CCDC93: variants seen among roughly 807,000 people sequenced by gnomAD.
CCDC93 encodes coiled-coil domain-containing protein 93.
CCDC93 carries 61 observed loss-of-function variants against 108.2 expected under a neutral mutation model. The ratio of observed to expected loss-of-function variants is 0.56; its 90% confidence interval spans 0.46 to 0.70. The LOEUF (loss-of-function observed/expected upper bound fraction) is 0.70. CCDC93 is among the 30% of genes least tolerant of loss of function. CCDC93 has a pLI of 0.00. For missense variants in CCDC93, 685 were observed against 764.2 expected, an observed-to-expected ratio of 0.90 and a Z score of 1.22; for synonymous variants, 276 against 260.4, an observed-to-expected ratio of 1.06 and a Z score of -0.58.
chr2:117,921,928 G>C (rs1032271492), intron 23 of CCDC93: 7 of 151,834 alleles, frequency 4.6e-5, no homozygotes, highest in African/African-American at 1.7e-4. Flanking sequence ...TCATGGGCAG[G>C]GCAGTGGGGG....
intron 23 of CCDC93, 172 bp downstream of exon 23, chr2:117,930,865 C>A (rs976984215): frequency 7.7e-6 from 4 of 516,662 alleles, no homozygotes; most frequent in Non-Finnish European, 1.4e-5. Flanking sequence ...CACAGAAAAA[C>A]GCAATCTTCA....
In CCDC93 at chr2:117,920,415, GTA is replaced by G. The variant is rs755270897; in HGVS notation, c.1843-21_1843-20del. Reference sequence around the variant, plus strand: ...GGCCCTCCTGGAGGGAAAGCAGAGAGTATAGAGAGAGTGGTGACTACATTAGC... The same window carrying G: ...GGCCCTCCTGGAGGGAAAGCAGAGAGTAGAGAGAGTGGTGACTACATTAGC... On this transcript the variant is annotated intron_variant, in intron 23 of 23. Coordinates refer to ENST00000376300, the MANE Select transcript of CCDC93 (RefSeq NM_019044.5). 6.2e-7 allele frequency: 1 copy of G among 1,601,816 alleles called. No individual in the cohort carries two copies.
chr2:117,955,878 TAA>T (rs1232741526), intron 12 of CCDC93, among the ~76,000 whole-genome samples: 1 of 152,174 alleles, frequency 6.6e-6, no homozygotes, highest in Non-Finnish European at 1.5e-5. Context: ...TGCAAAGGCC[TAA>T]AAACAGGTTT....
At chr2:117,978,210 G>A (rs1680004482) in intron 7 of CCDC93, among the ~76,000 whole-genome samples, 180 bp from the exon 8 acceptor site, 1 of 152,036 alleles carries the variant, frequency 6.6e-6, no homozygotes, top group African/African-American at 2.4e-5. Context: ...TTTAATAAAG[G>A]GCCAGCCACC....
intron 23 of CCDC93, among the ~76,000 whole-genome samples, chr2:117,923,232 C>A (rs775360678): frequency 6.6e-6 from 1 of 152,062 alleles, no homozygotes; most frequent in South Asian, 2.1e-4. Flanking sequence ...ACTGAGGTAC[C>A]GGGTTCACCT....
chr2:117,934,130 T>C (rs1175541296), intron 22 of CCDC93: 4 of 152,200 alleles, frequency 2.6e-5, no homozygotes, highest in Non-Finnish European at 5.9e-5. Context: ...CAGGAATTCA[T>C]GGAGTTTTTT....
intron 6 of CCDC93, among the ~76,000 whole-genome samples, chr2:117,991,592 T>C (rs1016871284): frequency 6.6e-6 from 1 of 152,170 alleles, no homozygotes; most frequent in African/African-American, 2.4e-5. Context: ...ATGGAAATAA[T>C]AACATATAAC....
Position 117,916,059 on chromosome 2 carries a change from G to A in CCDC93, c.*4284C>T, listed in dbSNP as rs1312051932. The A allele has an allele frequency of 2.0e-5, 3 of 152,142 alleles. No homozygotes were observed. Among genetic ancestry groups the A allele is most frequent in the East Asian group, 3.9e-4 (2 of 5,182 alleles). 9.4% of individuals were successfully genotyped at this position (152,142 alleles called of 1,614,324 possible). A position where few individuals can be genotyped will look rare whatever the true frequency, so the allele number is the denominator to read the frequency against. On this transcript the variant is annotated 3_prime_UTR_variant, in exon 24 of 24. Coordinates refer to ENST00000376300, the MANE Select transcript of CCDC93 (RefSeq NM_019044.5). The stretch of plus-strand genomic sequence containing the variant: ...CCTTGTACACAGGTACAATTCTTAG[G>A]AGTAGCATTGCTAGTTCAAAGAGCT...
intron 17 of CCDC93, chr2:117,944,635 G>A (rs549253571): frequency 9.4e-5 from 42 of 448,012 alleles, no homozygotes; most frequent in African/African-American, 7.5e-4. Context: ...AGACATGGCT[G>A]GATGGTTTGT....
chr2:118,001,001 G>GT, intron 3 of CCDC93, 69 bp from the exon 4 acceptor site: 4 of 935,930 alleles, frequency 4.3e-6, no homozygotes, highest in Non-Finnish European at 7.0e-6. Flanking sequence ...TCTAAAGTCT[G>GT]GGCAGCATCA....
intron 7 of CCDC93, among the ~76,000 whole-genome samples, chr2:117,979,835 A>T (rs1680057789): frequency 1.3e-5 from 2 of 152,238 alleles, no homozygotes; most frequent in South Asian, 4.1e-4. Context: ...AGGCTGGAAA[A>T]GAGACTATTT....
At chr2:117,984,399 C>T in intron 7 of CCDC93, among the ~76,000 whole-genome samples, 1 of 152,168 alleles carries the variant, frequency 6.6e-6, no homozygotes, top group East Asian at 1.9e-4. Flanking sequence ...GAGGCCAAGC[C>T]AGATTCTCAC....
intron 6 of CCDC93, among the ~76,000 whole-genome samples, chr2:117,988,773 G>A (rs1255679022): frequency 6.6e-6 from 1 of 152,210 alleles, no homozygotes; most frequent in Non-Finnish European, 1.5e-5. Context: ...TTGACTGAAA[G>A]AAATGATGAA....
chr2:117,961,747 AAGTC>A (rs796871558), intron 11 of CCDC93, among the ~76,000 whole-genome samples: 2 of 152,334 alleles, frequency 1.3e-5, no homozygotes, highest in African/African-American at 4.8e-5. Flanking sequence ...TGATGAGACA[AAGTC>A]AGACAGAAGG....
intron 18 of CCDC93, 113 bp from the exon 19 acceptor site, chr2:117,941,410 A>G (rs1235473156): frequency 2.7e-6 from 2 of 735,238 alleles, no homozygotes; most frequent in Non-Finnish European, 4.7e-6. Context: ...TGCGCCCTAC[A>G]ATGCAGGCAC....
In CCDC93 at chr2:117,996,306, G is replaced by T; in HGVS notation, c.420C>A (p.Ser140=). 5 of 1,613,680 alleles carry T rather than the reference G, an allele frequency of 3.1e-6. No homozygotes were observed. Among genetic ancestry groups the T allele is most frequent in the Non-Finnish European group, 4.2e-6 (5 of 1,179,594 alleles). The part of the protein sequence containing the change: ...TKEEMGDYIR[S]YSVSQFQKTY... ...TCTTCTGGAACTGGGATACAGAGTA[G>T]GAGCGGATATAGTCACCCATCTCTT... Residue 140 remains serine (S), a synonymous_variant, in exon 5 of 24, where the codon TCC becomes TCA. Transcript: ENST00000376300.
intron 7 of CCDC93, among the ~76,000 whole-genome samples, chr2:117,978,742 A>G (rs1164098004): frequency 1.3e-5 from 2 of 152,198 alleles, no homozygotes; most frequent in African/African-American, 4.8e-5. Context: ...TCACGCCTGC[A>G]AAGTGCTGTA....
At chr2:117,926,316 C>T (rs868359576) in intron 23 of CCDC93, among the ~76,000 whole-genome samples, 3 of 152,048 alleles carry the variant, frequency 2.0e-5, no homozygotes, top group African/African-American at 7.2e-5. Flanking sequence ...TTCAAAAAAT[C>T]AATGAATCCA....
intron 23 of CCDC93, among the ~76,000 whole-genome samples, chr2:117,923,889 A>ACATTGACACAT (rs1225606247): frequency 6.6e-6 from 1 of 152,326 alleles, no homozygotes; most frequent in East Asian, 1.9e-4. Flanking sequence ...CAGTAGGGGC[A>ACATTGACACAT]CATTGACACA....
Sources: gnomAD v4.1 joint callset for allele counts (sites outside exome capture counted in the v4.1 genomes callset) on GRCh38, gnomAD v4.1.1 for gene constraint, MANE v1.5 for transcripts, NCBI Gene and HGNC (gene_info 2026-07-23, HGNC 2026-07-21) for gene names.